Variants in ARSJ observed in about 807,000 individuals in gnomAD.
ARSJ encodes arylsulfatase J.
A neutral mutation model predicts 35.9 loss-of-function variants in ARSJ; 26 were observed. The observed-to-expected ratio is 0.72, with a 90% CI of 0.53 to 1.00. The LOEUF (loss-of-function observed/expected upper bound fraction) is 1.00. Among genes scored for constraint, ARSJ ranks in the 50% least tolerant of loss-of-function variants. The pLI is 0.00. For missense variants in ARSJ, 667 were observed against 723.6 expected (o/e 0.92, Z 0.90); for synonymous variants, 294 against 267.6 (o/e 1.10, Z -0.96).
intron 1 of ARSJ, among the ~76,000 whole-genome samples, chr4:113,948,554 T>G (rs1034285608): frequency 6.9e-6 from 1 of 144,620 alleles, no homozygotes; most frequent in Non-Finnish European, 1.5e-5. Flanking sequence ...ACGATAATAG[T>G]TGCAAGCGTA....
At chr4:113,957,540 A>C (rs984119091) in intron 1 of ARSJ, among the ~76,000 whole-genome samples, 10 of 152,074 alleles carry the variant, frequency 6.6e-5, no homozygotes, top group Non-Finnish European at 1.2e-4. Context: ...GAAAATCTTA[A>C]ATCAAACTTT....
intron 1 of ARSJ, among the ~76,000 whole-genome samples, chr4:113,935,833 T>C (rs1347570462): frequency 6.6e-6 from 1 of 151,916 alleles, no homozygotes. Context: ...AAATATGAAA[T>C]GAAGACCACT....
chr4:113,967,585 T>G (rs1352818212), intron 1 of ARSJ, among the ~76,000 whole-genome samples: 1 of 152,160 alleles, frequency 6.6e-6, no homozygotes, highest in Non-Finnish European at 1.5e-5. Context: ...GGGTTAGACA[T>G]AGGTGTACAA....
intron 1 of ARSJ, among the ~76,000 whole-genome samples, chr4:113,964,921 A>G (rs897180396): frequency 6.6e-6 from 1 of 152,126 alleles, no homozygotes; most frequent in Non-Finnish European, 1.5e-5. Flanking sequence ...TCTAATTGTT[A>G]ATATTTGTTA....
intron 1 of ARSJ, among the ~76,000 whole-genome samples, chr4:113,922,506 A>T (rs568558879): frequency 6.6e-6 from 1 of 152,128 alleles, no homozygotes; most frequent in Admixed American, 6.6e-5. Context: ...CATGTTCTGC[A>T]GTTGATGGAA....
chr4:113,919,798 C>T (rs1017710678), intron 1 of ARSJ, among the ~76,000 whole-genome samples: 35 of 152,100 alleles, frequency 2.3e-4, no homozygotes, highest in African/African-American at 7.7e-4. Context: ...AGAAGAGGCT[C>T]ATGACTCAGC....
chr4:113,909,953 A>G (rs992808076), intron 1 of ARSJ, among the ~76,000 whole-genome samples: 4 of 152,178 alleles, frequency 2.6e-5, no homozygotes, highest in African/African-American at 9.7e-5. Context: ...TATATATTTA[A>G]CATTTATTTG....
In ARSJ at chr4:113,963,358, G is replaced by A. The variant is rs534363070; in HGVS notation, c.398+15079C>T. Among the ~76,000 whole-genome samples the A allele has an allele frequency of 7.2e-5, 11 of 152,156 alleles. No individual in the cohort carries two copies. The South Asian group carries it at 2.3e-3, about 32-fold the overall frequency. On this transcript the variant is annotated intron_variant, in intron 1 of 1. Transcript: ENST00000315366. Reference sequence around the variant, plus strand: ...CTCACAGTTCCACCTGGCTGGGGAGGCCTCAGGAAACTTACAATCATGGGG... The same window carrying A: ...CTCACAGTTCCACCTGGCTGGGGAGACCTCAGGAAACTTACAATCATGGGG...
intron 1 of ARSJ, among the ~76,000 whole-genome samples, chr4:113,919,971 G>T: frequency 6.6e-6 from 1 of 151,380 alleles, no homozygotes; most frequent in Non-Finnish European, 1.5e-5. Context: ...GCAGGAGCTA[G>T]AAACAAGCTG....
rs866154416 is a variant in ARSJ, at chr4:113,902,578, G to A, written c.1496C>T (p.Thr499Ile). 1 of 1,614,044 alleles carries A rather than the reference G, an allele frequency of 6.2e-7. No individual in the cohort carries two copies. The highest frequency in any genetic ancestry group is 1.3e-5 in the African/African-American group (1 of 74,892). ...GTCCACCCTCTCATATGGGTCGGCT[G>A]TGATGTTGAAAAGCCATACACTTTT... ...TGKSVWLFNITADPYERVDLS... is the reference protein window; with the variant it reads ...TGKSVWLFNIIADPYERVDLS... The change falls in exon 2 of 2, where the codon ACA becomes ATA. Residue 499 changes from threonine (T) to isoleucine (I), a missense_variant. Coordinates refer to ENST00000315366, the MANE Select transcript of ARSJ (RefSeq NM_024590.4).
chr4:113,957,308 T>C (rs1314984554), intron 1 of ARSJ, among the ~76,000 whole-genome samples: 3 of 152,070 alleles, frequency 2.0e-5, no homozygotes, highest in Non-Finnish European at 4.4e-5. Context: ...ATTAGCATCC[T>C]TATATGTTAG....
At chr4:113,947,616 A>AG in intron 1 of ARSJ, among the ~76,000 whole-genome samples, 1 of 149,844 alleles carries the variant, frequency 6.7e-6, no homozygotes, top group Non-Finnish European at 1.5e-5. Context: ...AGAGGGAGGG[A>AG]GGAAGGAAGG....
intron 1 of ARSJ, among the ~76,000 whole-genome samples, chr4:113,961,400 T>C (rs11098218): frequency 0.038 from 5,797 of 152,208 alleles, 351 homozygotes; most frequent in African/African-American, 0.12. Flanking sequence ...TGGGCTAACA[T>C]GTTACATCAG....
chr4:113,915,409 C>T (rs991199482), intron 1 of ARSJ, among the ~76,000 whole-genome samples: 9 of 152,110 alleles, frequency 5.9e-5, no homozygotes, highest in African/African-American at 2.2e-4. Context: ...TTTAAAGCTA[C>T]TCTCATTTAG....
intron 1 of ARSJ, among the ~76,000 whole-genome samples, chr4:113,917,064 A>C (rs1444888371): frequency 2.0e-5 from 3 of 152,170 alleles, no homozygotes; most frequent in African/African-American, 7.2e-5. Context: ...TAAGTTTCCA[A>C]AATATTATAC....
At chr4:113,916,250 C>A (rs185513442) in intron 1 of ARSJ, among the ~76,000 whole-genome samples, 2 of 152,296 alleles carry the variant, frequency 1.3e-5, no homozygotes, top group Admixed American at 1.3e-4. Flanking sequence ...CCTACCTTTT[C>A]TATTGAGAGA....
intron 1 of ARSJ, among the ~76,000 whole-genome samples, chr4:113,929,925 G>T (rs146197378): frequency 4.6e-5 from 7 of 152,092 alleles, no homozygotes; most frequent in East Asian, 1.9e-4. Flanking sequence ...AGTGAATCAG[G>T]GTGTCAAATG....
chr4:113,972,726 C>G (rs1185418155), intron 1 of ARSJ, among the ~76,000 whole-genome samples: 1 of 152,166 alleles, frequency 6.6e-6, no homozygotes, highest in Non-Finnish European at 1.5e-5. Context: ...GCAGTCTGGT[C>G]TCAAAGCAAA....
chr4:113,931,453 C>G (rs1724444224), intron 1 of ARSJ, among the ~76,000 whole-genome samples: 1 of 152,018 alleles, frequency 6.6e-6, no homozygotes, highest in Admixed American at 6.6e-5. Context: ...GCTATGTTTT[C>G]CACCTGCTTA....
Sources: gnomAD v4.1 joint callset for allele counts (sites outside exome capture counted in the v4.1 genomes callset) on GRCh38, gnomAD v4.1.1 for gene constraint, MANE v1.5 for transcripts, NCBI Gene and HGNC (gene_info 2026-07-23, HGNC 2026-07-21) for gene names.